CAPN12: variants seen among roughly 807,000 people sequenced by gnomAD.
The protein encoded by CAPN12 is calpain 12.
In CAPN12, 107 loss-of-function variants were observed where a neutral mutation model predicts 95.0. The ratio of observed to expected loss-of-function variants is 1.13; its 90% confidence interval spans 0.96 to 1.32. The LOEUF is 1.32. Ranked by LOEUF, CAPN12 falls within the 40% of genes most tolerant of loss-of-function variation. CAPN12 has a pLI of 0.00. For synonymous variants in CAPN12, 505 were observed against 415.5 expected (o/e 1.22, Z -2.62); for missense variants, 1,136 against 997.8 (o/e 1.14, Z -1.87).
intron 15 of CAPN12, 54 bp downstream of exon 15, chr19:38,734,759 T>C (rs2076660127): frequency 1.3e-6 from 2 of 1,551,966 alleles, no homozygotes; most frequent in Non-Finnish European, 1.8e-6. Flanking sequence ...CCGGCTCTGG[T>C]TGCAGGACCC....
At chr19:38,738,771 G>T (rs1970374468) in intron 5 of CAPN12, 123 bp from the exon 6 acceptor site, 14 of 774,590 alleles carry the variant, frequency 1.8e-5, no homozygotes, top group South Asian at 1.4e-4. Flanking sequence ...ATGGCACGCA[G>T]CTCAGAGACC....
intron 18 of CAPN12, among the ~76,000 whole-genome samples, chr19:38,732,782 C>CA (rs1430605761): frequency 7.0e-6 from 1 of 142,744 alleles, no homozygotes; most frequent in Non-Finnish European, 1.5e-5. Context: ...TGGTGGCAGA[C>CA]AGGCCCCAGA....
chr19:38,730,927 C>T, intron 20 of CAPN12, 38 bp downstream of exon 20: 6 of 1,550,554 alleles, frequency 3.9e-6, no homozygotes, highest in Middle Eastern at 1.7e-4. Context: ...GCTCGCAGGA[C>T]AGAGCCTGAG....
At chr19:38,742,203 G>A in intron 3 of CAPN12, 2 of 619,226 alleles carry the variant, frequency 3.2e-6, no homozygotes, top group South Asian at 2.0e-5. Flanking sequence ...GCGGGTGCCT[G>A]TAATCCCAGC....
At chr19:38,736,730 C>T (rs1273315142) in intron 10 of CAPN12, 167 bp from the exon 11 acceptor site, 5 of 819,336 alleles carry the variant, frequency 6.1e-6, no homozygotes, top group Non-Finnish European at 9.4e-6. Flanking sequence ...CTCGCCGACC[C>T]CTCCCCAACT....
intron 12 of CAPN12, 45 bp from the exon 13 acceptor site, chr19:38,735,589 G>T: frequency 1.3e-6 from 2 of 1,594,080 alleles, no homozygotes; most frequent in Non-Finnish European, 1.7e-6. Flanking sequence ...GTTTGCCCCA[G>T]CTGGGGCTGT....
At position 38,734,803 on chromosome 19, in the gene CAPN12, G is replaced by A. The variant is rs1381305822; in HGVS notation, c.1744+10C>T. On this transcript the variant is annotated intron_variant, in intron 15 of 20. Coordinates refer to ENST00000328867, the MANE Select transcript of CAPN12 (RefSeq NM_144691.4). The stretch of plus-strand genomic sequence containing the variant: ...GACCCCTCCTCCTGCCCCTATCCCA[G>A]CCAACTCACCAGGCTCCAGGGCAAT... 3.1e-6 allele frequency: 5 copies of A among 1,611,898 alleles called. No individual in the cohort carries two copies. In the Admixed American group the frequency reaches 5.0e-5, roughly 16 times the overall value.
chr19:38,739,349 C>G (rs1285358662), intron 5 of CAPN12: 1 of 143,732 alleles, frequency 7.0e-6, no homozygotes, highest in Non-Finnish European at 1.5e-5. Flanking sequence ...ACTCGGGAGG[C>G]AAAGCAGGAG....
chr19:38,743,567 A>C, intron 1 of CAPN12, among the ~76,000 whole-genome samples: 1 of 108,176 alleles, frequency 9.2e-6, no homozygotes, highest in Non-Finnish European at 1.9e-5. Flanking sequence ...CTCCTCCCTC[A>C]GACCCCGGAG....
At chr19:38,735,038 T>C in intron 14 of CAPN12, 168 bp from the exon 15 acceptor site, 1 of 647,580 alleles carries the variant, frequency 1.5e-6, no homozygotes, top group Non-Finnish European at 2.6e-6. Flanking sequence ...GGGGAAGCAC[T>C]GGGCTGTGGT....
chr19:38,734,073 C>G (rs1227670272), intron 17 of CAPN12, 69 bp downstream of exon 17: 1 of 1,561,818 alleles, frequency 6.4e-7, no homozygotes, highest in African/African-American at 1.4e-5. Context: ...TGATAGCCCA[C>G]AGGGTGCCTA....
rs984602252 is a variant in CAPN12 at position 38,734,750 on chromosome 19, C to T, written c.1744+63G>A. On this transcript the variant is annotated intron_variant, in intron 15 of 20. Transcript: ENST00000328867. ...TGGGTTCATAGACATAGGGTGGCAC[C>T]GGCTCTGGTTGCAGGACCCCTGGCT... 6.7e-5 allele frequency: 100 copies of T among 1,501,580 alleles called. No individual in the cohort carries two copies. In the African/African-American group the frequency reaches 7.3e-4, roughly 11 times the overall value. 93.0% of individuals were successfully genotyped at this position (1,501,580 alleles called of 1,614,324 possible).
intron 1 of CAPN12, 72 bp from the exon 2 acceptor site, chr19:38,743,174 C>A (rs1462116072): frequency 3.2e-6 from 5 of 1,571,082 alleles, no homozygotes; most frequent in South Asian, 1.1e-5. Flanking sequence ...GGAGTGAGGG[C>A]CTCCAAGCCC....
In CAPN12 at chr19:38,734,068, G is replaced by C. The variant is rs571867937; in HGVS notation, c.1878+74C>G. The C allele has an allele frequency of 5.2e-6, 8 of 1,534,846 alleles. No homozygotes were observed. The Admixed American group carries it at 1.4e-4, about 27-fold the overall frequency. The stretch of plus-strand genomic sequence containing the variant: ...CCCCTCGTTCCCTGGGGACCTGATA[G>C]CCCACAGGGTGCCTATGTCTCTGTT... On this transcript the variant is annotated intron_variant, in intron 17 of 20. Transcript: ENST00000328867.
rs1969533874 is a variant in CAPN12, at chr19:38,730,896, G to T, written c.2134-18C>A. On this transcript the variant is annotated intron_variant, in intron 20 of 20. Transcript: ENST00000328867. ...TCCATCCACTAAGGAAGAGAAGGAAGACAGTGGCTTGAGGCAGGGAGCTCG... is the reference window on the plus strand; with the variant it reads ...TCCATCCACTAAGGAAGAGAAGGAATACAGTGGCTTGAGGCAGGGAGCTCG... 3 of 1,551,380 alleles carry T rather than the reference G, an allele frequency of 1.9e-6. No homozygotes were observed. Among genetic ancestry groups the T allele is most frequent in the Admixed American group, 3.9e-5 (2 of 51,014 alleles).
rs747693307 is a variant in CAPN12 at position 38,734,865 on chromosome 19, T to C, written c.1692A>G (p.Glu564=). The stretch of plus-strand genomic sequence containing the variant: ...CCTGGAGCTGAGAGGCATTGAGTTC[T>C]TCCTCCTAGTCCAGGAAAGAGGGCT... ...QLFQELAGEE[E]ELNASQLQAL... Residue 564 remains glutamate, a synonymous_variant, in exon 15 of 21, where the codon GAA becomes GAG. Transcript: ENST00000328867. 2 of 1,612,572 alleles carry C rather than the reference T, an allele frequency of 1.2e-6. No homozygotes were observed. The highest frequency in any genetic ancestry group is 8.5e-7 in the Non-Finnish European group (1 of 1,179,840).
chr19:38,736,805 C>T (rs886536266), intron 10 of CAPN12: 19 of 594,034 alleles, frequency 3.2e-5, no homozygotes, highest in African/African-American at 3.2e-4. Context: ...GCCCTTCTAA[C>T]CCCCAGCCTC....
chr19:38,744,104 G>A lies in CAPN12; in HGVS notation c.62C>T (p.Ala21Val). 6.2e-7 allele frequency: 1 copy of A among 1,614,144 alleles called. No homozygotes were observed. Among genetic ancestry groups the A allele is most frequent in the Non-Finnish European group, 8.5e-7 (1 of 1,180,034 alleles). Reference protein sequence around the residue: ...QLVDEEAGVGAGRLQLFRGQS... With the variant: ...QLVDEEAGVGVGRLQLFRGQS... ...GCCCCGAAAAAGCTGCAGGCGCCCGGCTCCGACCCCAGCCTCCTCATCCAC... is the reference window on the plus strand; with the variant it reads ...GCCCCGAAAAAGCTGCAGGCGCCCGACTCCGACCCCAGCCTCCTCATCCAC... Residue 21 changes from alanine to valine, a missense_variant, in exon 1 of 21, where the codon GCC (alanine) becomes GTC (valine). Coordinates refer to ENST00000328867, the MANE Select transcript of CAPN12 (RefSeq NM_144691.4).
In CAPN12 at chr19:38,730,547, CTTT is replaced by C. The variant is rs1046000863; in HGVS notation, c.*302_*304del. On this transcript the variant is annotated 3_prime_UTR_variant, in exon 21 of 21. Transcript: ENST00000328867. ...TTAAGAAGGATTCCTGCAGCATCAT[CTTT>C]TTTTATTTCTCCTGTGTCTGTCCTC... 2.8e-5 allele frequency: 13 copies of C among 466,268 alleles called. No homozygotes were observed. The Admixed American group carries it at 4.4e-4, about 16-fold the overall frequency. The allele number at this position is 466,268 out of a possible 1,614,324, so 28.9% of individuals were successfully genotyped here. A position where few individuals can be genotyped will look rare whatever the true frequency, so the allele number is the denominator to read the frequency against.
Sources: gnomAD v4.1 joint callset for allele counts (sites outside exome capture counted in the v4.1 genomes callset) on GRCh38, gnomAD v4.1.1 for gene constraint, MANE v1.5 for transcripts, NCBI Gene and HGNC (gene_info 2026-07-23, HGNC 2026-07-21) for gene names.